The following DHRSX variants were observed in gnomAD, a reference collection of about 807,000 sequenced individuals.
DHRSX encodes dehydrogenase/reductase X-linked.
In DHRSX, 31 loss-of-function variants were observed where a neutral mutation model predicts 34.0. The ratio of observed to expected loss-of-function variants is 0.91; its 90% CI spans 0.69 to 1.23. The LOEUF is 1.23. Among genes scored for constraint, DHRSX ranks in the 50% most tolerant of loss-of-function variants. DHRSX has a pLI of 0.00. For synonymous variants in DHRSX, 201 were observed against 183.8 expected, an observed-to-expected ratio of 1.09 and a Z score of -0.76; for missense variants, 414 against 428.1, an observed-to-expected ratio of 0.97 and a Z score of 0.29.
chrX:2,469,280 G>A (rs1044684149), intron 1 of DHRSX, among the ~76,000 whole-genome samples: 16 of 142,100 alleles, frequency 1.1e-4, no homozygotes, highest in African/African-American at 3.5e-4. Context: ...GACTGCCACC[G>A]TGTACACGCT....
At chrX:2,351,757 T>C (rs765167925) in intron 3 of DHRSX, among the ~76,000 whole-genome samples, 3 of 152,316 alleles carry the variant, frequency 2.0e-5, no homozygotes, top group South Asian at 4.1e-4. Flanking sequence ...CCTTACTCTG[T>C]CGCCCAGGCT....
chrX:2,224,031 C>T (rs1163252547), intron 6 of DHRSX, among the ~76,000 whole-genome samples: 10 of 152,230 alleles, frequency 6.6e-5, no homozygotes, highest in South Asian at 2.1e-4. Flanking sequence ...TTACACCTCA[C>T]GCTGGTGCCT....
At chrX:2,329,287 G>A (rs1195840501) in intron 3 of DHRSX, among the ~76,000 whole-genome samples, 1 of 152,062 alleles carries the variant, frequency 6.6e-6, no homozygotes, top group Non-Finnish European at 1.5e-5. Context: ...CAAATAGAAG[G>A]CTTTGTTTGG....
chrX:2,493,301 C>G (rs1232659216), intron 1 of DHRSX, among the ~76,000 whole-genome samples: 1 of 152,160 alleles, frequency 6.6e-6, no homozygotes, highest in Non-Finnish European at 1.5e-5. Context: ...CAGGACACAG[C>G]TGTATCAGAT....
intron 3 of DHRSX, among the ~76,000 whole-genome samples, chrX:2,389,709 G>C (rs1444044790): frequency 6.6e-6 from 1 of 152,108 alleles, no homozygotes; most frequent in African/African-American, 2.4e-5. Context: ...GTATCTCCCT[G>C]ATCTGGCCTT....
chrX:2,366,902 T>C (rs2043000241), intron 3 of DHRSX, among the ~76,000 whole-genome samples: 1 of 151,944 alleles, frequency 6.6e-6, no homozygotes, highest in Non-Finnish European at 1.5e-5. Context: ...GGATCATTCG[T>C]GTGTACAATA....
intron 3 of DHRSX, among the ~76,000 whole-genome samples, chrX:2,299,696 A>T (rs1384850340): frequency 1.3e-5 from 2 of 151,976 alleles, no homozygotes; most frequent in African/African-American, 2.4e-5. Flanking sequence ...CTCTACTAAA[A>T]ATACAAAAAT....
intron 4 of DHRSX, among the ~76,000 whole-genome samples, chrX:2,271,687 T>G (rs2041557072): frequency 6.6e-6 from 1 of 152,114 alleles, no homozygotes. Flanking sequence ...CCTACAGTCC[T>G]CAAAGCCCAT....
intron 6 of DHRSX, among the ~76,000 whole-genome samples, chrX:2,238,712 T>A (rs2016073403): frequency 6.6e-6 from 1 of 151,032 alleles, no homozygotes; most frequent in South Asian, 2.1e-4. Flanking sequence ...GCCTCCCGAG[T>A]AGCTGGAATG....
chrX:2,319,684 T>C (rs2042284472), intron 3 of DHRSX, among the ~76,000 whole-genome samples: 2 of 151,980 alleles, frequency 1.3e-5, no homozygotes, highest in African/African-American at 4.8e-5. Flanking sequence ...AACTATGTAC[T>C]AATCGACTCT....
chrX:2,248,788 CCTGT>C (rs1192601681), intron 5 of DHRSX, among the ~76,000 whole-genome samples: 1 of 152,032 alleles, frequency 6.6e-6, no homozygotes, highest in African/African-American at 2.4e-5. Context: ...TCTAGACAGG[CCTGT>C]CTGTTTCCCC....
At chrX:2,307,396 C>T (rs542774845) in intron 3 of DHRSX, among the ~76,000 whole-genome samples, 6 of 152,032 alleles carry the variant, frequency 3.9e-5, no homozygotes, top group Admixed American at 1.3e-4. Context: ...TCAACTGAAG[C>T]GTGAACCGCA....
At chrX:2,309,520 T>C (rs2042138982) in intron 3 of DHRSX, among the ~76,000 whole-genome samples, 1 of 152,082 alleles carries the variant, frequency 6.6e-6, no homozygotes, top group Non-Finnish European at 1.5e-5. Context: ...TTCTGAAATA[T>C]TATTAAAGAG....
intron 1 of DHRSX, among the ~76,000 whole-genome samples, chrX:2,495,976 C>T (rs2045275196): frequency 6.6e-6 from 1 of 152,060 alleles, no homozygotes; most frequent in Non-Finnish European, 1.5e-5. Flanking sequence ...CTGACAAAAC[C>T]CTAAAACTCA....
chrX:2,258,565 G>T (rs2041311753), intron 5 of DHRSX, among the ~76,000 whole-genome samples: 1 of 152,034 alleles, frequency 6.6e-6, no homozygotes, highest in Non-Finnish European at 1.5e-5. Context: ...CCCAAGGAGA[G>T]AGGCCTCAGG....
chrX:2,463,643 CA>C (rs1265263152), intron 1 of DHRSX, among the ~76,000 whole-genome samples: 9 of 151,954 alleles, frequency 5.9e-5, no homozygotes, highest in African/African-American at 1.5e-4. Flanking sequence ...AGGATGTGGA[CA>C]AGGGAAAGAG....
At chrX:2,383,156 C>A (rs1479419560) in intron 3 of DHRSX, among the ~76,000 whole-genome samples, 1 of 150,234 alleles carries the variant, frequency 6.7e-6, no homozygotes, top group Non-Finnish European at 1.5e-5. Context: ...CCATCATCAT[C>A]ACTGACCATC....
At chrX:2,432,608 A>C (rs1306965692) in intron 1 of DHRSX, among the ~76,000 whole-genome samples, 1 of 152,204 alleles carries the variant, frequency 6.6e-6, no homozygotes, top group Non-Finnish European at 1.5e-5. Context: ...TGGGCGTTTT[A>C]ATAAACCGTG....
At chrX:2,249,513 C>CTTTTTTTTTTTTTTTTTTT (rs753035485) in intron 5 of DHRSX, among the ~76,000 whole-genome samples, 2 of 70,166 alleles carry the variant, frequency 2.9e-5, no homozygotes, top group African/African-American at 9.5e-5. Context: ...CTTTTTGTGC[C>CTTTTTTTTTTTTTTTTTTT]TTTTTTTTTT....
Sources: allele counts gnomAD v4.1 joint callset (sites outside exome capture counted in the v4.1 genomes callset), GRCh38; gene constraint gnomAD v4.1.1; transcripts MANE v1.5; gene names NCBI Gene and HGNC (gene_info 2026-07-23, HGNC 2026-07-21).